The following GAREM2 variants were observed in gnomAD, a reference collection of about 807,000 sequenced individuals.
GAREM2 encodes GRB2 associated regulator of MAPK1 subtype 2, also known as GRB2-associated and regulator of MAPK protein 2.
In GAREM2, 30 loss-of-function variants were observed where a neutral mutation model predicts 55.6. The observed-to-expected ratio is 0.54, with a 90% confidence interval of 0.40 to 0.73. The LOEUF is 0.73. GAREM2 is among the 30% of genes least tolerant of loss of function. The pLI, the probability that GAREM2 is intolerant of heterozygous loss-of-function variation, is 0.00. For missense variants in GAREM2, 1,075 were observed against 1,257.7 expected, an observed-to-expected ratio of 0.85 and a Z score of 2.20; for synonymous variants, 550 against 569.1, an observed-to-expected ratio of 0.97 and a Z score of 0.48.
At chr2:26,181,164 G>T in intron 2 of GAREM2, 1 of 978,068 alleles carries the variant, frequency 1.0e-6, no homozygotes, top group South Asian at 4.7e-5. Flanking sequence ...AAACACTCCA[G>T]TGGGTCTCAT....
intron 5 of GAREM2, 54 bp downstream of exon 5, chr2:26,186,412 A>G: frequency 6.7e-7 from 1 of 1,486,718 alleles, no homozygotes; most frequent in African/African-American, 1.4e-5. Context: ...AAGGCAGGGA[A>G]GGGTGAGGAG....
chr2:26,199,893 C>T, the GAREM2 span, among the ~76,000 whole-genome samples: 5 of 152,096 alleles, frequency 3.3e-5, no homozygotes, highest in African/African-American at 7.2e-5. Flanking sequence ...GAGCTTCCTG[C>T]GGAATGCAGC....
chr2:26,181,488 T>C (rs1216058288), intron 2 of GAREM2: 1 of 152,218 alleles, frequency 6.6e-6, no homozygotes, highest in Non-Finnish European at 1.5e-5. Flanking sequence ...GTAGCACTTA[T>C]CACATCCTGC....
chr2:26,176,302 G>A, intron 1 of GAREM2, 42 bp from the exon 2 acceptor site: 2 of 1,460,738 alleles, frequency 1.4e-6, no homozygotes. Context: ...CTAATGTCCT[G>A]TCTTCCTTCC....
At chr2:26,177,813 G>C (rs1668912286) in intron 2 of GAREM2, among the ~76,000 whole-genome samples, 1 of 152,188 alleles carries the variant, frequency 6.6e-6, no homozygotes, top group Non-Finnish European at 1.5e-5. Flanking sequence ...TTTTAGTAGA[G>C]ACAGGGTTTC....
intron 3 of GAREM2, among the ~76,000 whole-genome samples, 197 bp downstream of exon 3, chr2:26,183,294 G>C (rs1669114117): frequency 6.6e-6 from 1 of 152,246 alleles, no homozygotes; most frequent in Non-Finnish European, 1.5e-5. Context: ...GACTTCCTAT[G>C]AAAGGTAGTG....
At chr2:26,199,883 G>A in the GAREM2 span, among the ~76,000 whole-genome samples, 3 of 152,168 alleles carry the variant, frequency 2.0e-5, no homozygotes, top group Non-Finnish European at 2.9e-5. Context: ...TGCCCCAACC[G>A]AGCTTCCTGC....
chr2:26,186,153 T>C, intron 4 of GAREM2, 36 bp from the exon 5 acceptor site: 1 of 1,464,070 alleles, frequency 6.8e-7, no homozygotes. Context: ...GCCAGCTGTT[T>C]GGAGTCGAGG....
chr2:26,191,464 C>T (rs778281315), downstream of GAREM2: 12 of 1,614,044 alleles, frequency 7.4e-6, no homozygotes, highest in African/African-American at 1.2e-4. Context: ...GAGCTTCCTT[C>T]CCAACCTGCG....
At position 26,173,314 on chromosome 2, in the gene GAREM2, C is replaced by A; in HGVS notation, c.94C>A (p.Leu32Ile). ...LIVSRCRLPT[L>I]ACLGPGEYAE... ...CGTCAGCCGCTGCCGCCTGCCCACG[C>A]TCGCCTGCCTTGGGCCAGGTACCGG... The change falls in exon 1 of 6, where the codon CTC (leucine) becomes ATC (isoleucine). Residue 32 changes from leucine to isoleucine, a missense_variant. By Grantham distance (5) the Leu-to-Ile change is conservative (BLOSUM62 2). Around this residue, in one of 6 missense-constraint regions of GAREM2, gnomAD observed 230 missense variants for 310.6 expected, o/e 0.74. Transcript: ENST00000401533. The A allele has an allele frequency of 1.4e-6, 2 of 1,414,076 alleles. No homozygotes were observed. Among genetic ancestry groups the A allele is most frequent in the Non-Finnish European group, 1.9e-6 (2 of 1,078,882 alleles). 87.6% of individuals were successfully genotyped at this position (1,414,076 alleles called of 1,614,324 possible).
chr2:26,200,389 C>A, the GAREM2 span, among the ~76,000 whole-genome samples: 8 of 152,190 alleles, frequency 5.3e-5, no homozygotes, highest in Non-Finnish European at 7.4e-5. Context: ...ACTTCAAGTA[C>A]TTGTTTTGTT....
At chr2:26,195,334 GA>G in the GAREM2 span, 1 of 1,008,800 alleles carries the variant, frequency 9.9e-7, no homozygotes, top group South Asian at 1.3e-5. Context: ...AGGTGGCTGT[GA>G]TATAGGAATA....
At chr2:26,203,498 T>A in the GAREM2 span, among the ~76,000 whole-genome samples, 1 of 152,156 alleles carries the variant, frequency 6.6e-6, no homozygotes, top group African/African-American at 2.4e-5. Context: ...AGAGGTAAGA[T>A]GGAGATAGTC....
the GAREM2 span, among the ~76,000 whole-genome samples, chr2:26,198,160 C>T: frequency 6.6e-6 from 1 of 152,066 alleles, no homozygotes; most frequent in Non-Finnish European, 1.5e-5. Flanking sequence ...TTGGATCTGC[C>T]CTGAATCACT....
chr2:26,190,229 T>G (rs976112098), downstream of GAREM2, among the ~76,000 whole-genome samples: 1 of 152,210 alleles, frequency 6.6e-6, no homozygotes, highest in African/African-American at 2.4e-5. Flanking sequence ...CAGGAGTAAC[T>G]GGTAATATCT....
intron 2 of GAREM2, among the ~76,000 whole-genome samples, chr2:26,177,440 A>C (rs1251233214): frequency 2.6e-5 from 4 of 152,116 alleles, no homozygotes; most frequent in African/African-American, 9.7e-5. Context: ...AGTCTTGTCA[A>C]CTCCATTTAA....
the GAREM2 span, among the ~76,000 whole-genome samples, chr2:26,200,554 A>G: frequency 6.6e-6 from 1 of 152,210 alleles, no homozygotes; most frequent in Admixed American, 6.5e-5. Flanking sequence ...CGGCTAACCA[A>G]AAAATCTCAA....
In GAREM2 at chr2:26,184,885, C is replaced by T; in HGVS notation, c.1037C>T (p.Ser346Phe). 1 of 1,459,740 alleles carries T rather than the reference C, an allele frequency of 6.9e-7. No individual in the cohort carries two copies. Among genetic ancestry groups the T allele is most frequent in the Non-Finnish European group, 9.0e-7 (1 of 1,115,192 alleles). 90.4% of individuals were successfully genotyped at this position (1,459,740 alleles called of 1,614,324 possible). ...RVERLVRDSA[S>F]YCRERFDPDE... is the part of the protein sequence containing the mutation. ...GAGCGCCTGGTGCGCGACAGCGCCT[C>T]CTACTGCCGCGAGCGCTTCGACCCC... The change falls in exon 4 of 6, where the codon TCC (serine) becomes TTC (phenylalanine). Residue 346 changes from serine (S) to phenylalanine (F), a missense_variant. This residue lies in a region of GAREM2 where 170 missense variants were observed against 220.7 expected (regional missense o/e 0.77). Coordinates refer to ENST00000401533, the MANE Select transcript of GAREM2 (RefSeq NM_001168241.2).
chr2:26,175,113 C>G (rs1668820552), intron 1 of GAREM2, among the ~76,000 whole-genome samples: 1 of 152,134 alleles, frequency 6.6e-6, no homozygotes, highest in Admixed American at 6.5e-5. Flanking sequence ...ACGCCTACCC[C>G]ACATGTACAC....
Sources: gnomAD v4.1 joint callset for allele counts (sites outside exome capture counted in the v4.1 genomes callset) on GRCh38, gnomAD v4.1.1 for gene constraint, gnomAD v4.1.1 regional missense constraint, MANE v1.5 for transcripts, NCBI Gene and HGNC (gene_info 2026-07-23, HGNC 2026-07-21) for gene names.